RAB28: variants seen among roughly 807,000 people sequenced by gnomAD.
The protein encoded by RAB28 is RAB28, member RAS oncogene family, also known as ras-related protein Rab-28.
A neutral mutation model predicts 31.7 loss-of-function variants in RAB28; 24 were observed. The observed-to-expected ratio is 0.76, with a 90% CI of 0.55 to 1.06. The LOEUF (loss-of-function observed/expected upper bound fraction) is 1.06, where lower values mean the gene tolerates loss of function less well. RAB28 is among the 50% of genes least tolerant of loss of function. The probability of loss-of-function intolerance (pLI) is 0.00; values close to 1 mark genes in which losing one functional copy is unlikely to be tolerated. For synonymous variants in RAB28, 100 were observed against 90.4 expected, an observed-to-expected ratio of 1.11 and a Z score of -0.60; for missense variants, 254 against 258.5, an observed-to-expected ratio of 0.98 and a Z score of 0.12.
At chr4:13,443,388 G>A (rs1387310545) in intron 4 of RAB28, among the ~76,000 whole-genome samples, 1 of 152,074 alleles carries the variant, frequency 6.6e-6, no homozygotes, top group Middle Eastern at 3.2e-3. Context: ...TGGCCAGGAT[G>A]GTCTCCATCT....
At chr4:13,422,546 C>T (rs971769595) in intron 4 of RAB28, among the ~76,000 whole-genome samples, 25 of 150,664 alleles carry the variant, frequency 1.7e-4, no homozygotes, top group Admixed American at 1.6e-3. Context: ...GGCACATATA[C>T]AACATGGAAA....
chr4:13,396,010 T>C (rs773430338), intron 4 of RAB28, among the ~76,000 whole-genome samples: 1 of 151,824 alleles, frequency 6.6e-6, no homozygotes, highest in Non-Finnish European at 1.5e-5. Flanking sequence ...CTACTTGCTG[T>C]CGATGGAAAA....
chr4:13,369,527 C>A (rs1728636721), intron 6 of RAB28, among the ~76,000 whole-genome samples: 1 of 152,084 alleles, frequency 6.6e-6, no homozygotes, highest in African/African-American at 2.4e-5. Flanking sequence ...TAAAAATACT[C>A]TTTCAATTAC....
At chr4:13,460,301 G>A (rs1715526298) in intron 4 of RAB28, among the ~76,000 whole-genome samples, 1 of 152,166 alleles carries the variant, frequency 6.6e-6, no homozygotes, top group South Asian at 2.1e-4. Flanking sequence ...CTGGTTCGCA[G>A]ACAGCCACCT....
chr4:13,480,625 G>C (rs1013618002), intron 1 of RAB28, among the ~76,000 whole-genome samples: 31 of 151,778 alleles, frequency 2.0e-4, no homozygotes, highest in African/African-American at 7.2e-4. Context: ...CTTTTACACA[G>C]AACCATATTT....
rs1282965071 is a variant in RAB28, at chr4:13,382,437, C to A, written c.392-843G>T. ...TTGAGTCAATATAGGAAAAAAAAAA[C>A]TTAAACTGATTTCCTGAGGAAGGGA... On this transcript the variant is annotated intron_variant, in intron 4 of 6. Transcript: ENST00000330852. 2.0e-5 allele frequency among the ~76,000 whole-genome samples: 3 copies of A among 151,414 alleles called. No individual in the cohort carries two copies. In the East Asian group the frequency reaches 5.8e-4, roughly 29 times the overall value.
intron 3 of RAB28, among the ~76,000 whole-genome samples, chr4:13,468,378 C>T (rs145186562): frequency 6.6e-6 from 1 of 152,036 alleles, no homozygotes; most frequent in East Asian, 1.9e-4. Flanking sequence ...ACAGAAATCA[C>T]ACAAACCACA....
chr4:13,432,361 C>G (rs1560290828), intron 4 of RAB28, among the ~76,000 whole-genome samples: 1 of 151,990 alleles, frequency 6.6e-6, no homozygotes, highest in Non-Finnish European at 1.5e-5. Context: ...ACTTAGAAAA[C>G]ATACTTAAGG....
rs750653742 is a variant in RAB28 at position 13,381,512 on chromosome 4, G to C, written c.474C>G (p.Val158=). Residue 158 remains valine (V), a synonymous_variant, in exon 5 of 7, where the codon GTC becomes GTG. Transcript: ENST00000330852. Reference sequence around the variant, plus strand: ...TTACAGAGTCTCCTGTCTTGGCTGAGACAAAGTGGCTACTAAAACCATTTT... The same window carrying C: ...TTACAGAGTCTCCTGTCTTGGCTGACACAAAGTGGCTACTAAAACCATTTT... ...CQENGFSSHF[V]SAKTGDSVFL... is the part of the protein sequence containing the mutation. 24 of 1,611,916 alleles carry C rather than the reference G, an allele frequency of 1.5e-5. No individual in the cohort carries two copies. The Admixed American group carries it at 4.0e-4, about 27-fold the overall frequency.
rs1302250235 is a variant in RAB28, at chr4:13,368,367, C to A, written c.*191G>T. 1.6e-6 allele frequency: 2 copies of A among 1,229,180 alleles called. No homozygotes were observed. The highest frequency in any genetic ancestry group is 2.0e-6 in the Non-Finnish European group (2 of 985,180). The allele number at this position is 1,229,180 out of a possible 1,614,324, so 76.1% of individuals were successfully genotyped here. On this transcript the variant is annotated 3_prime_UTR_variant, in exon 7 of 7. Coordinates refer to ENST00000330852, the MANE Select transcript of RAB28 (RefSeq NM_001017979.3). ...CATTTTGAATTCAAAGTGTGTGGTC[C>A]CAAAGTTGAATTCTTTCAAATCCAA...
intron 4 of RAB28, chr4:13,459,763 C>A: frequency 9.1e-7 from 1 of 1,098,744 alleles, no homozygotes. Context: ...AGAAACAATG[C>A]ATATAAAATT....
rs556063222 is a variant in RAB28, at chr4:13,368,754, T to C, written c.574-104A>G. The C allele has an allele frequency of 9.8e-5, 86 of 881,682 alleles. No individual in the cohort carries two copies. In the African/African-American group the frequency reaches 1.3e-3, roughly 14 times the overall value. The allele number at this position is 881,682 out of a possible 1,614,324, so 54.6% of individuals were successfully genotyped here. A position where few individuals can be genotyped will look rare whatever the true frequency, so the allele number is the denominator to read the frequency against. On this transcript the variant is annotated intron_variant, in intron 6 of 6. Transcript: ENST00000330852. Reference sequence around the variant, plus strand: ...CTGAACTTTGCTGAACTTCTGATGATGGACACCATAAATGAAGCAGGAGTT... The same window carrying C: ...CTGAACTTTGCTGAACTTCTGATGACGGACACCATAAATGAAGCAGGAGTT...
chr4:13,396,455 GCTGT>G (rs1374104693), intron 4 of RAB28, among the ~76,000 whole-genome samples: 3 of 152,012 alleles, frequency 2.0e-5, no homozygotes, highest in Admixed American at 6.6e-5. Context: ...ACTCTCTAAT[GCTGT>G]CTTTCTATGA....
chr4:13,441,793 C>G (rs899439693), intron 4 of RAB28, among the ~76,000 whole-genome samples: 1 of 152,152 alleles, frequency 6.6e-6, no homozygotes, highest in Non-Finnish European at 1.5e-5. Context: ...TCCATTAATA[C>G]TTAACCTTTA....
chr4:13,440,340 G>C (rs577600357), intron 4 of RAB28, among the ~76,000 whole-genome samples: 2 of 151,234 alleles, frequency 1.3e-5, no homozygotes, highest in African/African-American at 2.4e-5. Flanking sequence ...GAAGTATGAG[G>C]ATAGAAAAAA....
At chr4:13,430,038 T>C (rs1188875584) in intron 4 of RAB28, among the ~76,000 whole-genome samples, 4 of 152,176 alleles carry the variant, frequency 2.6e-5, no homozygotes, top group Non-Finnish European at 5.9e-5. Flanking sequence ...CAAACAACTG[T>C]AGTCAATTGA....
At chr4:13,394,139 G>C (rs1183243507) in intron 4 of RAB28, among the ~76,000 whole-genome samples, 1 of 152,090 alleles carries the variant, frequency 6.6e-6, no homozygotes, top group African/African-American at 2.4e-5. Flanking sequence ...GAGAGGAGTA[G>C]GAATCAGGAT....
chr4:13,371,122 C>G, intron 6 of RAB28: 1 of 985,262 alleles, frequency 1.0e-6, no homozygotes, highest in Non-Finnish European at 1.2e-6. Context: ...TATAAACAAT[C>G]GAGAGTAAAT....
rs898388105 is a variant in RAB28, at chr4:13,459,825, G to A, written c.391+874C>T. 18 of 1,259,870 alleles carry A rather than the reference G, an allele frequency of 1.4e-5. 1 individual carries two copies. The highest frequency in any genetic ancestry group is 1.6e-5 in the Non-Finnish European group (16 of 972,722). 78.0% of individuals were successfully genotyped at this position (1,259,870 alleles called of 1,614,324 possible). ...AAAATAGGAGATCATTCAATGAAAT[G>A]CATCGCTCAAAACCTCTGGGACAGA... On this transcript the variant is annotated intron_variant, in intron 4 of 6. Transcript: ENST00000330852.
Sources: gnomAD v4.1 joint callset for allele counts (sites outside exome capture counted in the v4.1 genomes callset) on GRCh38, gnomAD v4.1.1 for gene constraint, MANE v1.5 for transcripts, NCBI Gene and HGNC (gene_info 2026-07-23, HGNC 2026-07-21) for gene names.